The following ZNF839 variants were observed in gnomAD, a reference collection of about 807,000 sequenced individuals.
The protein encoded by ZNF839 is renal carcinoma antigen NY-REN-50.
ZNF839 carries 38 observed loss-of-function variants against 56.4 expected under a neutral mutation model. The observed-to-expected ratio is 0.67, with a 90% CI of 0.52 to 0.88. ZNF839 has a LOEUF of 0.88. Among genes scored for constraint, ZNF839 ranks in the 40% least tolerant of loss-of-function variants. The probability of loss-of-function intolerance (pLI) is 0.00; values close to 1 mark genes in which losing one functional copy is unlikely to be tolerated. For synonymous variants in ZNF839, 486 were observed against 493.5 expected (o/e 0.98, Z 0.20); for missense variants, 1,091 against 1,177.6 (o/e 0.93, Z 1.08).
chr14:102,320,830 C>T (rs765127174), intron 1 of ZNF839, among the ~76,000 whole-genome samples: 3 of 152,166 alleles, frequency 2.0e-5, no homozygotes, highest in Non-Finnish European at 4.4e-5. Flanking sequence ...CGCCCAACTC[C>T]GGAGGGTGAA....
Position 102,341,643 on chromosome 14 carries a change from T to C in ZNF839, c.2248T>C (p.Leu750=), listed in dbSNP as rs778415082. 2.5e-6 allele frequency: 4 copies of C among 1,613,922 alleles called. No individual in the cohort carries two copies. The highest frequency in any genetic ancestry group is 3.3e-5 in the Admixed American group (2 of 60,010). ...SLRSPGFCSP[L]SSGGGAESLP... is the part of the protein sequence containing the mutation. ...GAGGAGCCCGGGTTTCTGCAGCCCT[T>C]TGTCATCTGGTGGTGGAGCAGAGTC... The change falls in exon 8 of 8, where the codon TTG becomes CTG. Residue 750 remains leucine (L), a synonymous_variant. Transcript: ENST00000442396.
At chr14:102,337,815 C>G (rs1187828221) in intron 5 of ZNF839, 2 of 152,308 alleles carry the variant, frequency 1.3e-5, no homozygotes, top group Non-Finnish European at 2.9e-5. Flanking sequence ...ATCTCATGCT[C>G]TGTGGGGTTC....
intron 1 of ZNF839, among the ~76,000 whole-genome samples, chr14:102,324,485 C>T (rs545505243): frequency 2.6e-5 from 4 of 151,880 alleles, no homozygotes; most frequent in Non-Finnish European, 5.9e-5. Context: ...AGAGGTTGCA[C>T]TGAGCTGAGA....
At chr14:102,317,859 G>A (rs1418914358), upstream of ZNF839, among the ~76,000 whole-genome samples, 1 of 152,160 alleles carries the variant, frequency 6.6e-6, no homozygotes, top group African/African-American at 2.4e-5. Flanking sequence ...GCCAGAGCAA[G>A]TGGATGAATT....
chr14:102,338,746 C>G (rs1256953182), intron 5 of ZNF839, 70 bp from the exon 6 acceptor site: 10 of 1,593,414 alleles, frequency 6.3e-6, no homozygotes, highest in Non-Finnish European at 7.7e-6. Flanking sequence ...TTAATTCTTG[C>G]ATGTGAATGT....
At chr14:102,330,458 T>G (rs1567290568) in intron 2 of ZNF839, among the ~76,000 whole-genome samples, 1 of 151,926 alleles carries the variant, frequency 6.6e-6, no homozygotes, top group Non-Finnish European at 1.5e-5. Context: ...AGTCTCAAAC[T>G]CCTGACCTCA....
chr14:102,322,461 C>T (rs1408661880), intron 1 of ZNF839, among the ~76,000 whole-genome samples: 1 of 152,194 alleles, frequency 6.6e-6, no homozygotes, highest in Non-Finnish European at 1.5e-5. Flanking sequence ...AAGCATAATA[C>T]CCACAGGGTA....
At chr14:102,335,213 T>C (rs1402946794) in intron 4 of ZNF839, 1 of 154,916 alleles carries the variant, frequency 6.5e-6, no homozygotes, top group Non-Finnish European at 1.4e-5. Context: ...CCCTTGACTT[T>C]TAACTTGGTA....
In ZNF839 at chr14:102,335,792, G is replaced by A. The variant is rs1340183857; in HGVS notation, c.1613G>A (p.Ser538Asn). ...VKKMCQDYLS[S>N]SGLCSQETLE... ...AAAATGTGCCAAGATTACCTCAGTA[G>A]TTCTGGTCTGTGTTCCCAGGAGACC... The change falls in exon 5 of 8, where the codon AGT becomes AAT. Residue 538 changes from serine (S) to asparagine (N), a missense_variant. Transcript: ENST00000442396. 3.7e-6 allele frequency: 6 copies of A among 1,608,658 alleles called. No individual in the cohort carries two copies. In the South Asian group the frequency reaches 5.5e-5, roughly 15 times the overall value.
chr14:102,328,894 G>A (rs182356374), intron 2 of ZNF839, among the ~76,000 whole-genome samples: 8 of 151,948 alleles, frequency 5.3e-5, no homozygotes, highest in Admixed American at 3.3e-4. Context: ...CACTTGGGTT[G>A]CTTTCACCTT....
At position 102,341,929 on chromosome 14, in the gene ZNF839, A is replaced by G. The variant is rs1461271130; in HGVS notation, c.2534A>G (p.Asn845Ser). 9 of 1,613,906 alleles carry G rather than the reference A, an allele frequency of 5.6e-6. No individual in the cohort carries two copies. Among genetic ancestry groups the G allele is most frequent in the Non-Finnish European group, 7.6e-6 (9 of 1,179,914 alleles). The change falls in exon 8 of 8, where the codon AAC (asparagine) becomes AGC (serine). Residue 845 changes from asparagine (N) to serine (S), a missense_variant. Transcript: ENST00000442396. Reference sequence around the variant, plus strand: ...CTCAGAAGCCTTTCGGGGGACTTGAACCGGTTCCCCTGTGGGATGGAGGTG... The same window carrying G: ...CTCAGAAGCCTTTCGGGGGACTTGAGCCGGTTCCCCTGTGGGATGGAGGTG... Reference protein sequence around the residue: ...GCLRSLSGDLNRFPCGMEVHS... With the variant: ...GCLRSLSGDLSRFPCGMEVHS...
chr14:102,339,140 C>T lies in ZNF839; in HGVS notation c.1844C>T (p.Ala615Val). The T allele has an allele frequency of 1.1e-5, 17 of 1,613,484 alleles. No individual in the cohort carries two copies. Among genetic ancestry groups the T allele is most frequent in the Non-Finnish European group, 1.4e-5 (17 of 1,179,644 alleles). ...LASVKRPRREALSNDTTESLA... is the reference protein window; with the variant it reads ...LASVKRPRREVLSNDTTESLA... Reference sequence around the variant, plus strand: ...TCAGTGAAAAGGCCCAGAAGAGAAGCCCTGTCCAACGATACCACTGAATCT... The same window carrying T: ...TCAGTGAAAAGGCCCAGAAGAGAAGTCCTGTCCAACGATACCACTGAATCT... The change falls in exon 7 of 8, where the codon GCC becomes GTC. Residue 615 changes from alanine (A) to valine (V), a missense_variant. Ala to Val is a moderately conservative substitution (Grantham distance 64). This residue lies in a region of ZNF839 where 431 missense variants were observed against 468.0 expected (regional missense o/e 0.92). Transcript: ENST00000442396.
rs1203371750 is a variant in ZNF839 at position 102,332,060 on chromosome 14, C to A, written c.1416+214C>A. Among the ~76,000 whole-genome samples the A allele has an allele frequency of 6.6e-6, 1 of 152,140 alleles. No homozygotes were observed. The highest frequency in any genetic ancestry group is 2.4e-5 in the African/African-American group (1 of 41,400). ...TGGTGCAGCTCCAAAAGCTGCTTGA[C>A]TTGATAAGTTTTGGAATAATTATAA... On this transcript the variant is annotated intron_variant, in intron 3 of 7. Coordinates refer to ENST00000442396, the MANE Select transcript of ZNF839 (RefSeq NM_018335.6). This position sits in a 1 kb window ranked among gnomAD's most constrained non-coding sequence, Gnocchi z 4.9.
chr14:102,330,259 G>A (rs905172072), intron 2 of ZNF839, among the ~76,000 whole-genome samples: 1 of 151,086 alleles, frequency 6.6e-6, no homozygotes, highest in Non-Finnish European at 1.5e-5. Flanking sequence ...TGAGACGGAG[G>A]TTTGCTCTTG....
chr14:102,323,606 A>C (rs1490807408), intron 1 of ZNF839, among the ~76,000 whole-genome samples: 1 of 152,176 alleles, frequency 6.6e-6, no homozygotes, highest in Non-Finnish European at 1.5e-5. Flanking sequence ...AGAACAGAAC[A>C]TCTTTGTGGC....
intron 7 of ZNF839, 29 bp from the exon 8 acceptor site, chr14:102,341,294 C>T (rs765794269): frequency 2.0e-6 from 3 of 1,513,384 alleles, no homozygotes; most frequent in East Asian, 4.6e-5. Flanking sequence ...CAGTACACGC[C>T]ATGTTCACCT....
At chr14:102,321,464 A>T (rs570812822) in intron 1 of ZNF839, among the ~76,000 whole-genome samples, 1 of 151,684 alleles carries the variant, frequency 6.6e-6, no homozygotes, top group East Asian at 1.9e-4. Context: ...AAGCAAACTT[A>T]TTCGAGCTTA....
At chr14:102,340,098 C>T (rs866637139) in intron 7 of ZNF839, among the ~76,000 whole-genome samples, 2 of 150,258 alleles carry the variant, frequency 1.3e-5, no homozygotes, top group Admixed American at 6.6e-5. Flanking sequence ...TCAGCCTCCC[C>T]AGTAGCTGGG....
In ZNF839 at chr14:102,331,634, G is replaced by C; in HGVS notation, c.1204G>C (p.Val402Leu). 1 of 1,610,728 alleles carries C rather than the reference G, an allele frequency of 6.2e-7. No homozygotes were observed. Among genetic ancestry groups the C allele is most frequent in the South Asian group, 1.1e-5 (1 of 90,306 alleles). Residue 402 changes from valine (V) to leucine (L), a missense_variant, in exon 3 of 8, where the codon GTA becomes CTA. Transcript: ENST00000442396. ...CAACACTGTCTAGAATGGTCAGTCT[G>C]TAGACGTTGAAGAGACATTGCCATC... is the stretch of plus-strand genomic sequence containing the variant. ...ARGGLQNGQS[V>L]DVEETLPSEP...
Sources: gnomAD v4.1 joint callset for allele counts (sites outside exome capture counted in the v4.1 genomes callset) on GRCh38, gnomAD v4.1.1 for gene constraint, gnomAD v4.1.1 regional missense constraint, Gnocchi (gnomAD v3.1) non-coding constraint, MANE v1.5 for transcripts, NCBI Gene and HGNC (gene_info 2026-07-23, HGNC 2026-07-21) for gene names.